CWC27: variants seen among roughly 807,000 people sequenced by gnomAD.
CWC27 encodes the protein CWC27 spliceosome associated cyclophilin.
Under a neutral mutation model 63.6 loss-of-function variants are expected in CWC27, and 47 were observed. The ratio of observed to expected loss-of-function variants is 0.74; its 90% CI spans 0.58 to 0.94. The LOEUF (loss-of-function observed/expected upper bound fraction) is 0.94, where lower values mean the gene tolerates loss of function less well. Among genes scored for constraint, CWC27 ranks in the 40% least tolerant of loss-of-function variants. The pLI, the probability that CWC27 is intolerant of heterozygous loss-of-function variation, is 0.00. For synonymous variants in CWC27, 175 were observed against 179.8 expected (o/e 0.97, Z 0.22); for missense variants, 495 against 554.3 (o/e 0.89, Z 1.07).
At chr5:64,872,447 G>C (rs534432386) in intron 10 of CWC27, among the ~76,000 whole-genome samples, 1 of 152,270 alleles carries the variant, frequency 6.6e-6, no homozygotes, top group Non-Finnish European at 1.5e-5. Context: ...AGCTTCATTT[G>C]TGAAACGCTT....
At chr5:64,847,233 G>A (rs1039545379) in intron 10 of CWC27, among the ~76,000 whole-genome samples, 2 of 152,094 alleles carry the variant, frequency 1.3e-5, no homozygotes, top group Non-Finnish European at 2.9e-5. Flanking sequence ...GAGAGTAGGG[G>A]TAGCTATACA....
intron 10 of CWC27, among the ~76,000 whole-genome samples, chr5:64,843,962 G>A (rs1259567018): frequency 6.6e-6 from 1 of 151,954 alleles, no homozygotes; most frequent in Non-Finnish European, 1.5e-5. Context: ...AGTTCAGCTA[G>A]ACTAGACTAG....
rs568996270 is a variant in CWC27, at chr5:64,977,947, T to C, written c.1256+709T>C. Among the ~76,000 whole-genome samples the C allele has an allele frequency of 7.9e-5, 12 of 152,288 alleles. No homozygotes were observed. The East Asian group carries it at 2.3e-3, about 29-fold the overall frequency. On this transcript the variant is annotated intron_variant, in intron 13 of 13. Coordinates refer to ENST00000381070, the MANE Select transcript of CWC27 (RefSeq NM_005869.4). ...CCCACTACACCCTGGCTCAGCCACA[T>C]TGCTGCAAGCAAGCCAATGTATCAC... is the stretch of plus-strand genomic sequence containing the variant.
intron 10 of CWC27, among the ~76,000 whole-genome samples, chr5:64,875,797 A>T (rs539937758): frequency 1.4e-3 from 208 of 152,220 alleles, no homozygotes; most frequent in African/African-American, 4.9e-3. Flanking sequence ...CTGAGATCTC[A>T]TTTTGTCATT....
chr5:64,783,955 C>CA lies in CWC27; in HGVS notation c.374dup (p.Asn125LysfsTer2). The CA allele has an allele frequency of 6.3e-7, 1 of 1,592,638 alleles. No homozygotes were observed. The highest frequency in any genetic ancestry group is 8.5e-7 in the Non-Finnish European group (1 of 1,170,712). On this transcript the variant is annotated frameshift_variant, in exon 4 of 14. Transcript: ENST00000381070. LOFTEE classifies it high-confidence loss of function. ...CACTGGGTCGAGCAGATGAACTTAA[C>CA]AATAAGCATACCATCTTTGGAAAGG...
At chr5:64,934,081 C>A (rs574269339) in intron 11 of CWC27, among the ~76,000 whole-genome samples, 1 of 152,082 alleles carries the variant, frequency 6.6e-6, no homozygotes, top group East Asian at 1.9e-4. Context: ...CAAGCTTTCA[C>A]CCTTAGTTTT....
At chr5:64,959,788 A>C (rs1748871451) in intron 11 of CWC27, among the ~76,000 whole-genome samples, 1 of 152,222 alleles carries the variant, frequency 6.6e-6, no homozygotes, top group Non-Finnish European at 1.5e-5. Context: ...TTCAGGACCT[A>C]AAAATGATCT....
rs141404791 is a variant in CWC27 at position 65,006,828 on chromosome 5, A to G, written c.1257-11331A>G. ...AAAAGAGTAACTTCAAGCAGAAAAG[A>G]TAACTGTTAGGTATTGGGCTTAATA... is the stretch of plus-strand genomic sequence containing the variant. On this transcript the variant is annotated intron_variant, in intron 13 of 13. Transcript: ENST00000381070. 3.9e-5 allele frequency among the ~76,000 whole-genome samples: 6 copies of G among 152,208 alleles called. No individual in the cohort carries two copies. In the South Asian group the frequency reaches 1.2e-3, roughly 32 times the overall value.
chr5:64,854,853 T>A (rs985774767), intron 10 of CWC27, among the ~76,000 whole-genome samples: 3 of 152,148 alleles, frequency 2.0e-5, no homozygotes, highest in Non-Finnish European at 4.4e-5. Context: ...AATTTTTTTT[T>A]AATAACACTT....
chr5:65,012,615 T>G (rs1259774354), intron 13 of CWC27, among the ~76,000 whole-genome samples: 4 of 152,228 alleles, frequency 2.6e-5, no homozygotes, highest in African/African-American at 9.6e-5. Flanking sequence ...CAGATGTTTT[T>G]TGAATGAATA....
chr5:65,013,888 A>G (rs140105745), intron 13 of CWC27, among the ~76,000 whole-genome samples: 4,391 of 152,230 alleles, frequency 0.029, 104 homozygotes, highest in Non-Finnish European at 0.041. Flanking sequence ...ATGAATTGCT[A>G]ATGTTGGAAT....
chr5:64,991,743 TAAAAC>T (rs1275955106), intron 13 of CWC27, among the ~76,000 whole-genome samples: 2 of 152,130 alleles, frequency 1.3e-5, no homozygotes, highest in Non-Finnish European at 1.5e-5. Context: ...AAATAATACT[TAAAAC>T]AAAATAAAAA....
chr5:64,859,874 G>A (rs1746356446), intron 10 of CWC27, among the ~76,000 whole-genome samples: 1 of 152,156 alleles, frequency 6.6e-6, no homozygotes, highest in South Asian at 2.1e-4. Context: ...CAGAGAACAT[G>A]AAAGTTTAAA....
chr5:64,812,034 G>A (rs916151054), intron 10 of CWC27, among the ~76,000 whole-genome samples: 9 of 151,854 alleles, frequency 5.9e-5, no homozygotes, highest in South Asian at 2.1e-4. Flanking sequence ...GCTTCTTCTC[G>A]TACTTAGATA....
intron 13 of CWC27, among the ~76,000 whole-genome samples, chr5:64,984,464 T>C (rs1473546179): frequency 6.6e-6 from 1 of 152,196 alleles, no homozygotes; most frequent in African/African-American, 2.4e-5. Flanking sequence ...GGTGGGAGGA[T>C]AACAGGTACA....
At chr5:64,956,532 C>A (rs2093653807) in intron 11 of CWC27, among the ~76,000 whole-genome samples, 1 of 152,160 alleles carries the variant, frequency 6.6e-6, no homozygotes, top group African/African-American at 2.4e-5. Context: ...GCCACTTCCT[C>A]TACCCAGCTT....
intron 11 of CWC27, among the ~76,000 whole-genome samples, chr5:64,937,573 A>T (rs950802650): frequency 6.6e-6 from 1 of 152,114 alleles, no homozygotes; most frequent in Non-Finnish European, 1.5e-5. Context: ...TATTCTGTTG[A>T]TTTGGGGTGG....
intron 7 of CWC27, among the ~76,000 whole-genome samples, chr5:64,789,772 G>A (rs1744011075): frequency 6.6e-6 from 1 of 152,088 alleles, no homozygotes; most frequent in South Asian, 2.1e-4. Context: ...TACTCCTAAA[G>A]GTTCTGATAT....
At chr5:64,812,098 T>C (rs1390661522) in intron 10 of CWC27, among the ~76,000 whole-genome samples, 1 of 152,052 alleles carries the variant, frequency 6.6e-6, no homozygotes. Context: ...TATGGTTAGA[T>C]TTAGGAAGTA....
Sources: gnomAD v4.1 joint callset for allele counts (sites outside exome capture counted in the v4.1 genomes callset) on GRCh38, gnomAD v4.1.1 for gene constraint, MANE v1.5 for transcripts, NCBI Gene and HGNC (gene_info 2026-07-23, HGNC 2026-07-21) for gene names.